The following KDM2A variants were observed in gnomAD, a reference collection of about 807,000 sequenced individuals.
KDM2A encodes lysine-specific demethylase 2A.
A neutral mutation model predicts 137.3 loss-of-function variants in KDM2A; 3 were observed. The observed-to-expected ratio is 0.02, with a 90% CI of 0.01 to 0.06. The LOEUF (loss-of-function observed/expected upper bound fraction) is 0.06. Among genes scored for constraint, KDM2A ranks in the 10% least tolerant of loss-of-function variants. The pLI is 1.00. For synonymous variants in KDM2A, 512 were observed against 541.5 expected, an observed-to-expected ratio of 0.95 and a Z score of 0.76; for missense variants, 738 against 1,510.6, an observed-to-expected ratio of 0.49 and a Z score of 8.48.
At chr11:67,187,780 G>A (rs1024555849) in intron 5 of KDM2A, among the ~76,000 whole-genome samples, 5 of 152,022 alleles carry the variant, frequency 3.3e-5, no homozygotes, top group African/African-American at 9.7e-5. Flanking sequence ...TGCCATGTTG[G>A]CCAGGCTGGT....
Position 67,139,569 on chromosome 11 carries a change from C to A in KDM2A, c.42+18211C>A, listed in dbSNP as rs1408350143. Among the ~76,000 whole-genome samples, 5 of 151,624 alleles carry A rather than the reference C, an allele frequency of 3.3e-5. 1 individual carries two copies. ...CTCTTTTTGTTTTTTAGAGATGGAT[C>A]TGTCTACGTTGGTTGCCCAGGCTGG... On this transcript the variant is annotated intron_variant, in intron 2 of 20. Coordinates refer to ENST00000529006, the MANE Select transcript of KDM2A (RefSeq NM_012308.3).
At position 67,255,571 on chromosome 11, in the gene KDM2A, T is replaced by C. The variant is rs1013964155; in HGVS notation, c.*516T>C. ...AGCAGCCCCAGGAGTCCCAGACCCG[T>C]GCCGATCACACTGGTGCTGTTGAGA... On this transcript the variant is annotated 3_prime_UTR_variant, in exon 21 of 21. Coordinates refer to ENST00000529006, the MANE Select transcript of KDM2A (RefSeq NM_012308.3). 5 of 456,738 alleles carry C rather than the reference T, an allele frequency of 1.1e-5. No homozygotes were observed. The highest frequency in any genetic ancestry group is 2.2e-5 in the Non-Finnish European group (5 of 227,060). 28.3% of individuals were successfully genotyped at this position (456,738 alleles called of 1,614,324 possible). A position where few individuals can be genotyped will look rare whatever the true frequency, so the allele number is the denominator to read the frequency against.
At position 67,228,116 on chromosome 11, in the gene KDM2A, A is replaced by G. The variant is rs776785040; in HGVS notation, c.1037A>G (p.Asn346Ser). The change falls in exon 11 of 21, where the codon AAC becomes AGC. Residue 346 changes from asparagine to serine, a missense_variant. By Grantham distance (46) the Asn-to-Ser change is conservative (BLOSUM62 1). Transcript: ENST00000529006. ...GAGCGCTATGTGTACTGCATAACCA[A>G]CCGTTCCCACCTAACTAAGGAATTT... Reference protein sequence around the residue: ...VLERYVYCITNRSHLTKEFQK... With the variant: ...VLERYVYCITSRSHLTKEFQK... 5.0e-6 allele frequency: 8 copies of G among 1,613,590 alleles called. No homozygotes were observed. The highest frequency in any genetic ancestry group is 5.9e-6 in the Non-Finnish European group (7 of 1,179,608).
chr11:67,210,588 C>CT (rs1328801756), intron 6 of KDM2A, among the ~76,000 whole-genome samples: 2 of 151,956 alleles, frequency 1.3e-5, no homozygotes, highest in Non-Finnish European at 2.9e-5. Flanking sequence ...GGAGAAGAAC[C>CT]TATGAGAGGG....
chr11:67,181,827 A>G lies in KDM2A; in HGVS notation c.261-19A>G. ...GCAATTGTGTTTTCCATATATACTT[A>G]CTGGTGTTTGTTTCATAGAATGCCG... On this transcript the variant is annotated intron_variant, in intron 4 of 20. Coordinates refer to ENST00000529006, the MANE Select transcript of KDM2A (RefSeq NM_012308.3). The G allele has an allele frequency of 6.2e-7, 1 of 1,610,992 alleles. No homozygotes were observed. Among genetic ancestry groups the G allele is most frequent in the Non-Finnish European group, 8.5e-7 (1 of 1,177,250 alleles).
At chr11:67,133,152 T>C (rs1855889239) in intron 2 of KDM2A, among the ~76,000 whole-genome samples, 1 of 152,188 alleles carries the variant, frequency 6.6e-6, no homozygotes, top group East Asian at 1.9e-4. Context: ...CAGGCTGGAG[T>C]GTAATGGTGC....
chr11:67,255,207 AGAG>A lies in KDM2A; in HGVS notation c.*153_*155del. ...TGAGCCCTTCCTCTACAGGTGGGGC[AGAG>A]AGGGTGGTGGACACCAGGCTTATCT... On this transcript the variant is annotated 3_prime_UTR_variant, in exon 21 of 21. Coordinates refer to ENST00000529006, the MANE Select transcript of KDM2A (RefSeq NM_012308.3). 1.5e-6 allele frequency: 1 copy of A among 680,122 alleles called. No individual in the cohort carries two copies. Among genetic ancestry groups the A allele is most frequent in the Non-Finnish European group, 2.5e-6 (1 of 405,442 alleles). The allele number at this position is 680,122 out of a possible 1,614,324, so 42.1% of individuals were successfully genotyped here.
chr11:67,222,918 G>A (rs914158278), intron 10 of KDM2A, among the ~76,000 whole-genome samples: 12 of 151,240 alleles, frequency 7.9e-5, no homozygotes, highest in Non-Finnish European at 1.8e-4. Context: ...AAAAGGCCAG[G>A]CACAGTGGCT....
intron 5 of KDM2A, among the ~76,000 whole-genome samples, chr11:67,197,987 AAAGT>A (rs1446123917): frequency 6.4e-4 from 13 of 20,454 alleles, no homozygotes; most frequent in Admixed American, 6.5e-4. Flanking sequence ...TTCTTACAAT[AAAGT>A]AAGATAAAAA....
intron 2 of KDM2A, among the ~76,000 whole-genome samples, chr11:67,163,102 C>T (rs1338475400): frequency 2.0e-5 from 3 of 152,164 alleles, no homozygotes; most frequent in Admixed American, 6.6e-5. Context: ...GCCTTCTGCC[C>T]TAGTCAGACT....
intron 2 of KDM2A, among the ~76,000 whole-genome samples, chr11:67,166,813 A>G (rs1274326416): frequency 6.6e-6 from 1 of 152,168 alleles, no homozygotes; most frequent in Non-Finnish European, 1.5e-5. Context: ...GTGGTGGGTC[A>G]TGTCTGTAAC....
At chr11:67,169,154 A>G (rs1490784028) in intron 2 of KDM2A, among the ~76,000 whole-genome samples, 2 of 151,388 alleles carry the variant, frequency 1.3e-5, no homozygotes, top group African/African-American at 4.8e-5. Context: ...TGGGGTTTCA[A>G]CATCTTGGCC....
intron 2 of KDM2A, among the ~76,000 whole-genome samples, chr11:67,178,661 C>CT (rs904927443): frequency 6.6e-5 from 10 of 151,312 alleles, no homozygotes; most frequent in Admixed American, 5.9e-4. Context: ...TTATGACTGG[C>CT]TTTTTTTTTA....
rs1858722836 is a variant in KDM2A, at chr11:67,231,607, G to A, written c.1126G>A (p.Glu376Lys). 2 of 1,610,946 alleles carry A rather than the reference G, an allele frequency of 1.2e-6. No homozygotes were observed. The highest frequency in any genetic ancestry group is 1.7e-5 in the Admixed American group (1 of 59,366). ...NGLESGNGDE[E>K]AVDREPRRLS... ...GTTGGAGTCTGGGAATGGGGATGAG[G>A]AAGCAGTGGATCGAGAACCCCGACG... The change falls in exon 12 of 21, where the codon GAA (glutamate) becomes AAA (lysine). Residue 376 changes from glutamate (E) to lysine (K), a missense_variant. By Grantham distance (56) the Glu-to-Lys change is moderately conservative. Transcript: ENST00000529006.
chr11:67,169,689 C>T (rs1408747730), intron 2 of KDM2A, among the ~76,000 whole-genome samples: 3 of 146,634 alleles, frequency 2.0e-5, no homozygotes, highest in Admixed American at 6.8e-5. Context: ...CACTTGGTTT[C>T]TTTTTTCTTT....
intron 2 of KDM2A, among the ~76,000 whole-genome samples, chr11:67,168,747 G>A (rs977565099): frequency 3.3e-5 from 5 of 151,792 alleles, no homozygotes; most frequent in African/African-American, 1.2e-4. Context: ...TTTTCAAAAG[G>A]TTGCAAAGAA....
At chr11:67,231,024 G>A (rs1858701014) in intron 11 of KDM2A, among the ~76,000 whole-genome samples, 1 of 150,652 alleles carries the variant, frequency 6.6e-6, no homozygotes, top group South Asian at 2.1e-4. Flanking sequence ...TAATATGATC[G>A]CAGCTCACTG....
chr11:67,170,408 CTTT>C (rs923665021), intron 2 of KDM2A, among the ~76,000 whole-genome samples: 2 of 92,840 alleles, frequency 2.2e-5, no homozygotes, highest in African/African-American at 4.6e-5. Context: ...TTCTTTCTTT[CTTT>C]TTTTTTTTTT....
chr11:67,205,587 C>T (rs1385875676), intron 5 of KDM2A, among the ~76,000 whole-genome samples: 1 of 152,006 alleles, frequency 6.6e-6, no homozygotes, highest in Non-Finnish European at 1.5e-5. Context: ...ACCACCATGC[C>T]CAGCTAATTT....
Sources: gnomAD v4.1 joint callset for allele counts (sites outside exome capture counted in the v4.1 genomes callset) on GRCh38, gnomAD v4.1.1 for gene constraint, MANE v1.5 for transcripts, NCBI Gene and HGNC (gene_info 2026-07-23, HGNC 2026-07-21) for gene names.